FHOD3: variants seen among roughly 807,000 people sequenced by gnomAD.
FHOD3 encodes formin homology 2 domain containing 3.
A neutral mutation model predicts 173.0 loss-of-function variants in FHOD3; 90 were observed. The observed-to-expected ratio is 0.52, with a 90% CI of 0.44 to 0.62. The LOEUF (loss-of-function observed/expected upper bound fraction) is 0.62, where lower values mean the gene tolerates loss of function less well. Among genes scored for constraint, FHOD3 ranks in the 20% least tolerant of loss-of-function variants. The probability of loss-of-function intolerance (pLI) is 0.00; values close to 1 mark genes in which losing one functional copy is unlikely to be tolerated. For synonymous variants in FHOD3, 828 were observed against 823.0 expected, an observed-to-expected ratio of 1.01 and a Z score of -0.10; for missense variants, 1,945 against 2,034.7, an observed-to-expected ratio of 0.96 and a Z score of 0.85.
chr18:36,775,585 C>T (rs1449896738), intron 28 of FHOD3, among the ~76,000 whole-genome samples: 2 of 152,216 alleles, frequency 1.3e-5, no homozygotes, highest in East Asian at 1.9e-4. Context: ...CATGTAAACA[C>T]TCAGTAAATG....
chr18:36,573,464 G>T (rs2058530893), intron 5 of FHOD3, among the ~76,000 whole-genome samples: 1 of 149,486 alleles, frequency 6.7e-6, no homozygotes, highest in Non-Finnish European at 1.5e-5. Flanking sequence ...AAAATAGCTT[G>T]GTGTGGTGGC....
chr18:36,320,718 T>C (rs542009312), intron 1 of FHOD3, among the ~76,000 whole-genome samples: 1 of 152,350 alleles, frequency 6.6e-6, no homozygotes, highest in Admixed American at 6.5e-5. Context: ...CTGGAATCAA[T>C]ACCTGTCAAG....
At chr18:36,423,145 C>T (rs2050072294) in intron 3 of FHOD3, among the ~76,000 whole-genome samples, 2 of 151,894 alleles carry the variant, frequency 1.3e-5, no homozygotes, top group Non-Finnish European at 2.9e-5. Context: ...TTCAAATCCT[C>T]ATTCTGCTAT....
At chr18:36,716,277 G>C (rs1467640481) in intron 18 of FHOD3, among the ~76,000 whole-genome samples, 1 of 152,192 alleles carries the variant, frequency 6.6e-6, no homozygotes, top group Non-Finnish European at 1.5e-5. Flanking sequence ...GGTTGTGGTA[G>C]CAGAGGTGCT....
At chr18:36,629,719 G>A (rs1184997265) in intron 10 of FHOD3, among the ~76,000 whole-genome samples, 1 of 152,174 alleles carries the variant, frequency 6.6e-6, no homozygotes, top group Non-Finnish European at 1.5e-5. Flanking sequence ...GGAAGATTGA[G>A]GGGTCGGAGA....
intron 17 of FHOD3, among the ~76,000 whole-genome samples, chr18:36,702,024 T>C (rs2039619081): frequency 6.6e-6 from 1 of 152,222 alleles, no homozygotes; most frequent in South Asian, 2.1e-4. Context: ...AATCAGTATT[T>C]TGCAAGTGAT....
intron 1 of FHOD3, among the ~76,000 whole-genome samples, chr18:36,335,455 A>G (rs1161452021): frequency 2.0e-5 from 3 of 150,834 alleles, no homozygotes; most frequent in Non-Finnish European, 4.4e-5. Context: ...AGATCGCGCC[A>G]CTGCACTCCA....
chr18:36,714,300 G>T (rs1277083599), intron 18 of FHOD3, among the ~76,000 whole-genome samples: 2 of 152,298 alleles, frequency 1.3e-5, no homozygotes, highest in South Asian at 2.1e-4. Flanking sequence ...ACTTTGGGAG[G>T]CCGAGGCGGG....
chr18:36,365,147 C>T (rs2046835299), intron 2 of FHOD3, among the ~76,000 whole-genome samples: 1 of 152,062 alleles, frequency 6.6e-6, no homozygotes, highest in African/African-American at 2.4e-5. Flanking sequence ...AATGAAACTC[C>T]CAGAGGAAAA....
chr18:36,472,056 G>T (rs2053315808), intron 3 of FHOD3, among the ~76,000 whole-genome samples: 1 of 152,138 alleles, frequency 6.6e-6, no homozygotes, highest in African/African-American at 2.4e-5. Flanking sequence ...TTGAAAAAAT[G>T]GAAGTCTCTA....
intron 3 of FHOD3, among the ~76,000 whole-genome samples, chr18:36,452,649 G>A (rs573591811): frequency 7.2e-5 from 11 of 152,142 alleles, no homozygotes; most frequent in African/African-American, 1.9e-4. Context: ...TCTGCTTCTC[G>A]GAGTCTGGCT....
chr18:36,767,774 A>G (rs1035171990), intron 27 of FHOD3, among the ~76,000 whole-genome samples: 5 of 152,192 alleles, frequency 3.3e-5, no homozygotes, highest in Admixed American at 6.5e-5. Flanking sequence ...ATCAGAAATT[A>G]TGACTACTTT....
At chr18:36,397,989 C>CT (rs1379646909) in intron 3 of FHOD3, among the ~76,000 whole-genome samples, 5 of 152,164 alleles carry the variant, frequency 3.3e-5, no homozygotes, top group Non-Finnish European at 5.9e-5. Flanking sequence ...CAGGTAGCTG[C>CT]TAAGGAGTCA....
At chr18:36,763,059 TATA>T (rs1365257036) in intron 27 of FHOD3, among the ~76,000 whole-genome samples, 1 of 148,504 alleles carries the variant, frequency 6.7e-6, no homozygotes, top group Non-Finnish European at 1.5e-5. Flanking sequence ...ACACGTTATA[TATA>T]ATATGCGTAT....
intron 8 of FHOD3, among the ~76,000 whole-genome samples, chr18:36,607,901 C>T (rs1679203379): frequency 6.6e-6 from 1 of 152,212 alleles, no homozygotes; most frequent in African/African-American, 2.4e-5. Context: ...TCTGAGACCT[C>T]TTCAGAATTG....
chr18:36,343,279 G>T (rs1423284384), intron 1 of FHOD3, among the ~76,000 whole-genome samples: 18 of 152,154 alleles, frequency 1.2e-4, no homozygotes, highest in Admixed American at 9.8e-4. Context: ...CTGAGGAATG[G>T]ATAAATAAAA....
In FHOD3 at chr18:36,486,741, T is replaced by G. The variant is rs914327850; in HGVS notation, c.338-15191T>G. 3.9e-5 allele frequency among the ~76,000 whole-genome samples: 6 copies of G among 152,350 alleles called. No individual in the cohort carries two copies. In the East Asian group the frequency reaches 1.2e-3, roughly 29 times the overall value. ...CACATTTTAAATCCAGTTCACCTTT[T>G]GACAACTATATCTCAAACAAGACAA... is the stretch of plus-strand genomic sequence containing the variant. On this transcript the variant is annotated intron_variant, in intron 3 of 28. Transcript: ENST00000590592.
At chr18:36,698,125 C>T (rs1181855381) in intron 17 of FHOD3, among the ~76,000 whole-genome samples, 1 of 152,150 alleles carries the variant, frequency 6.6e-6, no homozygotes, top group Non-Finnish European at 1.5e-5. Context: ...AACTAGATTC[C>T]TTGTGGTTCT....
chr18:36,730,104 C>T (rs1290992646), intron 19 of FHOD3, among the ~76,000 whole-genome samples: 1 of 152,136 alleles, frequency 6.6e-6, no homozygotes, highest in Non-Finnish European at 1.5e-5. Context: ...TGGAGGTGCT[C>T]TGGTATAAGG....
Sources: gnomAD v4.1 joint callset for allele counts (sites outside exome capture counted in the v4.1 genomes callset) on GRCh38, gnomAD v4.1.1 for gene constraint, MANE v1.5 for transcripts, NCBI Gene and HGNC (gene_info 2026-07-23, HGNC 2026-07-21) for gene names.